Variants in MAP4K5 observed in about 807,000 individuals in gnomAD.
MAP4K5 encodes the protein MAPK/ERK kinase kinase kinase 5.
In MAP4K5, 82 loss-of-function variants were observed where a neutral mutation model predicts 135.6. That is an observed-to-expected ratio of 0.60 (90% CI 0.51 to 0.73). MAP4K5 has a LOEUF of 0.73. MAP4K5 is among the 30% of genes least tolerant of loss of function. MAP4K5 has a pLI of 0.00. For missense variants in MAP4K5, 907 were observed against 1,010.9 expected (o/e 0.90, Z 1.39); for synonymous variants, 347 against 335.0 (o/e 1.04, Z -0.39).
chr14:50,556,031 T>C (rs978160977), intron 1 of MAP4K5, among the ~76,000 whole-genome samples: 2 of 152,160 alleles, frequency 1.3e-5, no homozygotes, highest in Non-Finnish European at 2.9e-5. Flanking sequence ...GAATAGTTTG[T>C]GGAGTAACAT....
chr14:50,560,075 G>A, intron 1 of MAP4K5: 1 of 652,898 alleles, frequency 1.5e-6, no homozygotes, highest in Middle Eastern at 4.1e-4. Context: ...GTGATGCTGA[G>A]CTTGGTTCAT....
chr14:50,557,965 C>T (rs978196705), intron 1 of MAP4K5, among the ~76,000 whole-genome samples: 11 of 152,206 alleles, frequency 7.2e-5, no homozygotes, highest in Non-Finnish European at 1.2e-4. Context: ...AAAGGACACA[C>T]GAGCTGACCC....
chr14:50,421,436 A>G (rs929161212), intron 32 of MAP4K5, among the ~76,000 whole-genome samples: 3 of 151,040 alleles, frequency 2.0e-5, no homozygotes, highest in African/African-American at 7.3e-5. Context: ...TTTTTTTTGT[A>G]TTTTTAGCAG....
At chr14:50,525,760 C>T (rs1012172081) in intron 2 of MAP4K5, among the ~76,000 whole-genome samples, 1 of 152,138 alleles carries the variant, frequency 6.6e-6, no homozygotes, top group African/African-American at 2.4e-5. Flanking sequence ...GGGAGGATCA[C>T]TTGAGCCTGG....
At chr14:50,496,562 G>A (rs75468996) in intron 3 of MAP4K5, among the ~76,000 whole-genome samples, 1 of 151,580 alleles carries the variant, frequency 6.6e-6, no homozygotes, top group Non-Finnish European at 1.5e-5. Context: ...ATGGTGCAAC[G>A]CAGTGATGTG....
intron 8 of MAP4K5, among the ~76,000 whole-genome samples, chr14:50,475,477 C>T (rs1311363665): frequency 6.6e-6 from 1 of 150,882 alleles, no homozygotes; most frequent in Non-Finnish European, 1.5e-5. Flanking sequence ...CACCTGTATT[C>T]CTTTTATCCT....
Position 50,464,141 on chromosome 14 carries a change from TA to T in MAP4K5, c.738-9del. 2 of 1,388,462 alleles carry T rather than the reference TA, an allele frequency of 1.4e-6. No homozygotes were observed. Among genetic ancestry groups the T allele is most frequent in the African/African-American group, 1.4e-5 (1 of 69,328 alleles). 86.0% of individuals were successfully genotyped at this position (1,388,462 alleles called of 1,614,324 possible). A position where few individuals can be genotyped will look rare whatever the true frequency, so the allele number is the denominator to read the frequency against. On this transcript the variant is annotated splice_polypyrimidine_tract_variant and intron_variant, in intron 11 of 32. Coordinates refer to ENST00000682126, the MANE Select transcript of MAP4K5 (RefSeq NM_006575.6). ...TTATGGAATGTTGATGACCTTAAAA[TA>T]AAAAGAGACGTACAAAAATATTTCA...
At chr14:50,501,747 A>C (rs897123929) in intron 3 of MAP4K5, among the ~76,000 whole-genome samples, 1 of 152,166 alleles carries the variant, frequency 6.6e-6, no homozygotes, top group Non-Finnish European at 1.5e-5. Flanking sequence ...TAAGGGAGTG[A>C]ATGATTAAAC....
intron 26 of MAP4K5, 21 bp downstream of exon 26, chr14:50,437,455 T>G: frequency 6.4e-7 from 1 of 1,568,212 alleles, no homozygotes; most frequent in Non-Finnish European, 8.7e-7. Context: ...CCATTCAGTT[T>G]GAGAAATACC....
In MAP4K5 at chr14:50,462,708, T is replaced by A. The variant is rs761138846; in HGVS notation, c.893A>T (p.Asp298Val). The A allele has an allele frequency of 6.2e-7, 1 of 1,605,182 alleles. No homozygotes were observed. The highest frequency in any genetic ancestry group is 2.3e-5 in the East Asian group (1 of 44,410). The change falls in exon 13 of 33, where the codon GAT becomes GTT. Residue 298 changes from aspartate to valine, a missense_variant. This residue lies in a region of MAP4K5 where 690 missense variants were observed against 777.4 expected (regional missense o/e 0.89). Transcript: ENST00000682126. ...TGCTTCAGTGTAATGTGCGTGGTTA[T>A]CTGGATTGTTCACTTTGTCTAACAG... ...VELLDKVNNP[D>V]NHAHYTEADD... is the part of the protein sequence containing the mutation.
chr14:50,453,028 TATG>T (rs1406673195), intron 14 of MAP4K5, among the ~76,000 whole-genome samples: 1 of 152,194 alleles, frequency 6.6e-6, no homozygotes, highest in Admixed American at 6.5e-5. Context: ...GTTACTTCTT[TATG>T]ATGATACCTG....
At chr14:50,527,842 A>G (rs1486491253) in intron 2 of MAP4K5, among the ~76,000 whole-genome samples, 1 of 2,212 alleles carries the variant, frequency 4.5e-4, no homozygotes, top group Non-Finnish European at 3.5e-3. Context: ...AATAATAAAT[A>G]AATAAATAAA....
At chr14:50,552,219 C>T (rs950311123) in intron 1 of MAP4K5, among the ~76,000 whole-genome samples, 3 of 151,942 alleles carry the variant, frequency 2.0e-5, no homozygotes, top group African/African-American at 7.3e-5. Flanking sequence ...CCAACAATGA[C>T]AAAGCTGAGA....
At chr14:50,519,498 A>G (rs980153130) in intron 2 of MAP4K5, among the ~76,000 whole-genome samples, 6 of 152,006 alleles carry the variant, frequency 3.9e-5, no homozygotes, top group African/African-American at 1.4e-4. Flanking sequence ...CTATAAAAAT[A>G]CAAAAATTAG....
rs111313104 is a variant in MAP4K5, at chr14:50,512,939, C to T, written c.109-8082G>A. 2.4e-3 allele frequency among the ~76,000 whole-genome samples: 362 copies of T among 152,194 alleles called. 1 individual carries two copies. Among genetic ancestry groups the T allele is most frequent in the African/African-American group, 8.0e-3 (333 of 41,542 alleles). On this transcript the variant is annotated intron_variant, in intron 2 of 32. Transcript: ENST00000682126. ...ATAAAAGGAACTAACTGGAGTACAA[C>T]GGCAACTACACAAAAAAGATCTAAC...
intron 1 of MAP4K5, among the ~76,000 whole-genome samples, chr14:50,544,610 A>G (rs1239001524): frequency 6.6e-6 from 1 of 152,150 alleles, no homozygotes; most frequent in Non-Finnish European, 1.5e-5. Flanking sequence ...GGCAACTGCC[A>G]TTTTGAAAAC....
rs756690169 is a variant in MAP4K5 at position 50,476,348 on chromosome 14, CTG to C, written c.379-44_379-43del. 426 of 1,024,490 alleles carry C rather than the reference CTG, an allele frequency of 4.2e-4. 2 individuals carry two copies. The highest frequency in any genetic ancestry group is 2.5e-4 in the Non-Finnish European group (187 of 742,280). The allele number at this position is 1,024,490 out of a possible 1,614,324, so 63.5% of individuals were successfully genotyped here. On this transcript the variant is annotated intron_variant, in intron 6 of 32. Coordinates refer to ENST00000682126, the MANE Select transcript of MAP4K5 (RefSeq NM_006575.6). Reference sequence around the variant, plus strand: ...AAAAAAAAAGAATGTATCAGCAAAACTGTAAATGTGACTCCTAAATTTTCTAC... The same window carrying C: ...AAAAAAAAAGAATGTATCAGCAAAACTAAATGTGACTCCTAAATTTTCTAC...
chr14:50,526,771 G>C lies in MAP4K5; in HGVS notation c.108+5171C>G, dbSNP rs535016385. ...TTGTCTCTATAAAATGGGATCTTGG[G>C]ATATGTTTCAAAGTGCCTAAAGCCA... On this transcript the variant is annotated intron_variant, in intron 2 of 32. Coordinates refer to ENST00000682126, the MANE Select transcript of MAP4K5 (RefSeq NM_006575.6). Among the ~76,000 whole-genome samples, 46 of 152,290 alleles carry C rather than the reference G, an allele frequency of 3.0e-4. 1 individual carries two copies. The highest frequency in any genetic ancestry group is 1.1e-3 in the African/African-American group (46 of 41,552).
At chr14:50,480,362 A>G (rs539763148) in intron 6 of MAP4K5, among the ~76,000 whole-genome samples, 1 of 150,468 alleles carries the variant, frequency 6.6e-6, no homozygotes, top group Non-Finnish European at 1.5e-5. Flanking sequence ...GACTATAGTC[A>G]CCCTGTTGTG....
Sources: gnomAD v4.1 joint callset for allele counts (sites outside exome capture counted in the v4.1 genomes callset) on GRCh38, gnomAD v4.1.1 for gene constraint, gnomAD v4.1.1 regional missense constraint, MANE v1.5 for transcripts, NCBI Gene and HGNC (gene_info 2026-07-23, HGNC 2026-07-21) for gene names.